Variants in SAMD8 observed in about 807,000 individuals in gnomAD.
The protein encoded by SAMD8 is sphingomyelin synthase-related protein 1.
In SAMD8, 20 loss-of-function variants were observed where a neutral mutation model predicts 42.0. The ratio of observed to expected loss-of-function variants is 0.48; its 90% CI spans 0.34 to 0.69. SAMD8 has a LOEUF of 0.69. Ranked by LOEUF, SAMD8 falls within the 30% of genes least tolerant of loss-of-function variation. SAMD8 has a pLI of 0.01. For missense variants in SAMD8, 328 were observed against 511.6 expected, an observed-to-expected ratio of 0.64 and a Z score of 3.46; for synonymous variants, 162 against 173.0, an observed-to-expected ratio of 0.94 and a Z score of 0.50.
chr10:75,152,114 A>G (rs1160932933), intron 2 of SAMD8, among the ~76,000 whole-genome samples: 3 of 151,594 alleles, frequency 2.0e-5, no homozygotes, highest in East Asian at 3.9e-4. Flanking sequence ...TGATGGTGTC[A>G]TATCACCAAA....
At chr10:75,121,512 A>C (rs1341575232) in intron 1 of SAMD8, among the ~76,000 whole-genome samples, 1 of 152,190 alleles carries the variant, frequency 6.6e-6, no homozygotes, top group East Asian at 1.9e-4. Flanking sequence ...TTCTGTTTGT[A>C]ATCTCTGGAT....
intron 1 of SAMD8, among the ~76,000 whole-genome samples, chr10:75,124,357 A>G (rs1355869196): frequency 1.3e-5 from 2 of 152,202 alleles, no homozygotes; most frequent in Non-Finnish European, 2.9e-5. Flanking sequence ...TCATGCCTGT[A>G]ATCCCAGCAC....
intron 4 of SAMD8, among the ~76,000 whole-genome samples, chr10:75,173,796 A>G (rs1840924503): frequency 6.6e-6 from 1 of 152,108 alleles, no homozygotes; most frequent in South Asian, 2.1e-4. Context: ...GATATCTATG[A>G]GGTTGTTTAT....
intron 2 of SAMD8, among the ~76,000 whole-genome samples, chr10:75,152,476 C>T (rs1480938030): frequency 6.8e-6 from 1 of 148,040 alleles, no homozygotes; most frequent in Non-Finnish European, 1.5e-5. Flanking sequence ...GAGCCGAGAT[C>T]CCGCCACTGC....
intron 1 of SAMD8, among the ~76,000 whole-genome samples, chr10:75,116,865 A>G (rs1222841191): frequency 6.6e-6 from 1 of 152,038 alleles, no homozygotes; most frequent in East Asian, 1.9e-4. Context: ...AGCCTGGTGC[A>G]GTGGCGTGAT....
intron 1 of SAMD8, among the ~76,000 whole-genome samples, chr10:75,100,700 A>G (rs1468970723): frequency 6.6e-6 from 1 of 152,090 alleles, no homozygotes; most frequent in Non-Finnish European, 1.5e-5. Flanking sequence ...CGCTCAGCAG[A>G]GCAGCTGCCT....
chr10:75,155,682 A>C (rs1204251932), intron 2 of SAMD8, among the ~76,000 whole-genome samples: 1 of 152,234 alleles, frequency 6.6e-6, no homozygotes, highest in East Asian at 1.9e-4. Context: ...AATGTGAAAC[A>C]ACATGAGCAC....
At chr10:75,111,336 T>TG, upstream of SAMD8, 1 of 412,870 alleles carries the variant, frequency 2.4e-6, no homozygotes. Flanking sequence ...CCTGTCGCTT[T>TG]GGCCTCCGGC....
intron 4 of SAMD8, among the ~76,000 whole-genome samples, chr10:75,174,058 TATTAA>T (rs1218547068): frequency 1.3e-5 from 2 of 152,198 alleles, no homozygotes; most frequent in African/African-American, 4.8e-5. Context: ...ATTATGTTAT[TATTAA>T]ATTGTATTAT....
chr10:75,099,784 C>T (rs1848023257), intron 1 of SAMD8: 1 of 203,604 alleles, frequency 4.9e-6, no homozygotes, highest in African/African-American at 2.3e-5. Context: ...AGCACTCTGC[C>T]ATAACTCATT....
At chr10:75,116,833 C>G (rs1371922964) in intron 1 of SAMD8, among the ~76,000 whole-genome samples, 1 of 152,002 alleles carries the variant, frequency 6.6e-6, no homozygotes, top group Non-Finnish European at 1.5e-5. Flanking sequence ...TATTTAGAGA[C>G]AGAGTCTCAC....
chr10:75,175,587 C>T (rs762394687), intron 4 of SAMD8, among the ~76,000 whole-genome samples: 6 of 151,988 alleles, frequency 3.9e-5, no homozygotes, highest in East Asian at 1.9e-4. Flanking sequence ...CTTACTGTGT[C>T]GCCCAGGCTG....
chr10:75,134,909 A>T (rs971939560), intron 1 of SAMD8, among the ~76,000 whole-genome samples: 1 of 151,932 alleles, frequency 6.6e-6, no homozygotes, highest in East Asian at 1.9e-4. Context: ...AGTAAAAAAA[A>T]AATTAGCCAA....
At chr10:75,130,752 C>A (rs1849257125) in intron 1 of SAMD8, among the ~76,000 whole-genome samples, 1 of 152,012 alleles carries the variant, frequency 6.6e-6, no homozygotes, top group Admixed American at 6.6e-5. Context: ...ATGTTTGAAT[C>A]CCAAATTTGA....
chr10:75,142,486 G>T (rs1840038858), intron 1 of SAMD8, among the ~76,000 whole-genome samples: 1 of 151,960 alleles, frequency 6.6e-6, no homozygotes, highest in Non-Finnish European at 1.5e-5. Flanking sequence ...CACCAGGCTG[G>T]AGTGCAGTGG....
intron 2 of SAMD8, among the ~76,000 whole-genome samples, chr10:75,154,044 G>A (rs1186551119): frequency 6.6e-6 from 1 of 152,172 alleles, no homozygotes; most frequent in Non-Finnish European, 1.5e-5. Flanking sequence ...GGGATTACAG[G>A]TGTGAGCCAC....
chr10:75,171,991 A>C (rs1032981631), intron 4 of SAMD8, among the ~76,000 whole-genome samples: 10 of 150,812 alleles, frequency 6.6e-5, no homozygotes, highest in African/African-American at 2.4e-4. Context: ...ACACCACTGC[A>C]CTCCAGCCTG....
At chr10:75,148,701 T>G (rs552587236) in intron 1 of SAMD8, among the ~76,000 whole-genome samples, 9 of 152,172 alleles carry the variant, frequency 5.9e-5, no homozygotes, top group Non-Finnish European at 1.2e-4. Flanking sequence ...ACAGAAAGTT[T>G]TTCATAGCCA....
At chr10:75,172,819 A>G (rs1055691258) in intron 4 of SAMD8, among the ~76,000 whole-genome samples, 2 of 151,706 alleles carry the variant, frequency 1.3e-5, no homozygotes, top group Non-Finnish European at 2.9e-5. Flanking sequence ...TTTTTTGTAG[A>G]AACAGGATTT....
Sources: allele counts gnomAD v4.1 joint callset (sites outside exome capture counted in the v4.1 genomes callset), GRCh38; gene constraint gnomAD v4.1.1; transcripts MANE v1.5; gene names NCBI Gene and HGNC (gene_info 2026-07-23, HGNC 2026-07-21).